FMNL2: variants seen among roughly 807,000 people sequenced by gnomAD.
The protein encoded by FMNL2 is formin-like protein 2.
Under a neutral mutation model 130.2 loss-of-function variants are expected in FMNL2, and 51 were observed. The observed-to-expected ratio is 0.39, with a 90% CI of 0.31 to 0.49. The LOEUF is 0.49. Among genes scored for constraint, FMNL2 ranks in the 20% least tolerant of loss-of-function variants. The probability of loss-of-function intolerance (pLI) is 0.85; values close to 1 mark genes in which losing one functional copy is unlikely to be tolerated. For missense variants in FMNL2, 977 were observed against 1,316.2 expected (o/e 0.74, Z 3.99); for synonymous variants, 465 against 467.1 (o/e 1.00, Z 0.06).
intron 9 of FMNL2, among the ~76,000 whole-genome samples, chr2:152,602,804 G>A (rs546846058): frequency 6.6e-6 from 1 of 152,246 alleles, no homozygotes; most frequent in East Asian, 1.9e-4. Flanking sequence ...TCCCATGCAG[G>A]CCAATGCATG....
intron 1 of FMNL2, among the ~76,000 whole-genome samples, chr2:152,388,828 A>C (rs1384990100): frequency 6.6e-6 from 1 of 152,260 alleles, no homozygotes; most frequent in Non-Finnish European, 1.5e-5. Flanking sequence ...CCAGTGATTA[A>C]AAATTACTGA....
At chr2:152,589,841 C>T (rs1232454763) in intron 9 of FMNL2, among the ~76,000 whole-genome samples, 1 of 150,812 alleles carries the variant, frequency 6.6e-6, no homozygotes, top group Non-Finnish European at 1.5e-5. Flanking sequence ...TGCTCTTCTA[C>T]TCCCTCACTC....
chr2:152,507,345 C>T (rs1360440661), intron 1 of FMNL2, among the ~76,000 whole-genome samples: 1 of 152,244 alleles, frequency 6.6e-6, no homozygotes, highest in Non-Finnish European at 1.5e-5. Flanking sequence ...TGCTCCAGCA[C>T]TTTACCCCTC....
chr2:152,401,992 G>A (rs896311769), intron 1 of FMNL2, among the ~76,000 whole-genome samples: 4 of 127,234 alleles, frequency 3.1e-5, no homozygotes, highest in African/African-American at 6.0e-5. Context: ...TGCAACCTCC[G>A]CCTCCCGGGC....
chr2:152,341,157 C>T (rs917898455), intron 1 of FMNL2, among the ~76,000 whole-genome samples: 1 of 152,132 alleles, frequency 6.6e-6, no homozygotes, highest in South Asian at 2.1e-4. Flanking sequence ...ATTCTTTCTC[C>T]TGTTGTGAGG....
intron 1 of FMNL2, among the ~76,000 whole-genome samples, chr2:152,445,789 G>A (rs1172676043): frequency 6.6e-6 from 1 of 152,168 alleles, no homozygotes; most frequent in African/African-American, 2.4e-5. Flanking sequence ...CTTTGTTCTA[G>A]TATTTAATTA....
At chr2:152,549,561 C>G (rs957576904) in intron 4 of FMNL2, among the ~76,000 whole-genome samples, 1 of 152,326 alleles carries the variant, frequency 6.6e-6, no homozygotes, top group South Asian at 2.1e-4. Flanking sequence ...CCTCATTGCA[C>G]TCAGACACAT....
At chr2:152,522,313 G>A (rs967572423) in intron 2 of FMNL2, among the ~76,000 whole-genome samples, 7 of 152,180 alleles carry the variant, frequency 4.6e-5, no homozygotes, top group Admixed American at 1.3e-4. Flanking sequence ...TTGTTTGATC[G>A]TAAAGTACAT....
At chr2:152,500,703 C>A (rs1426307025) in intron 1 of FMNL2, among the ~76,000 whole-genome samples, 1 of 152,094 alleles carries the variant, frequency 6.6e-6, no homozygotes, top group Admixed American at 6.5e-5. Flanking sequence ...CAAAAATTAG[C>A]TGGGTGTGGT....
chr2:152,369,306 C>G (rs969839973), intron 1 of FMNL2, among the ~76,000 whole-genome samples: 2 of 152,180 alleles, frequency 1.3e-5, no homozygotes, highest in Non-Finnish European at 2.9e-5. Context: ...GTCAGCATTA[C>G]CTTGCTGGGT....
chr2:152,535,098 A>G (rs1693926345), intron 2 of FMNL2, among the ~76,000 whole-genome samples: 1 of 152,206 alleles, frequency 6.6e-6, no homozygotes, highest in African/African-American at 2.4e-5. Flanking sequence ...TCACTATTCA[A>G]GACTCCTTGT....
intron 15 of FMNL2, among the ~76,000 whole-genome samples, chr2:152,623,090 G>C (rs1243456941): frequency 3.3e-5 from 5 of 152,176 alleles, no homozygotes; most frequent in African/African-American, 9.7e-5. Context: ...CCTGTGTTCT[G>C]ATCTCAGGCT....
chr2:152,616,219 A>G (rs1294214435), intron 12 of FMNL2, among the ~76,000 whole-genome samples: 1 of 152,108 alleles, frequency 6.6e-6, no homozygotes, highest in Admixed American at 6.5e-5. Context: ...TTTCTCCTGA[A>G]GCCTCAGCCA....
chr2:152,609,340 A>C (rs1360009708), intron 10 of FMNL2, among the ~76,000 whole-genome samples: 1 of 152,224 alleles, frequency 6.6e-6, no homozygotes, highest in African/African-American at 2.4e-5. Context: ...GAGAAATGGA[A>C]AGATGCCAGA....
chr2:152,399,817 T>C (rs1436677456), intron 1 of FMNL2, among the ~76,000 whole-genome samples: 1 of 152,164 alleles, frequency 6.6e-6, no homozygotes, highest in African/African-American at 2.4e-5. Context: ...TGTTTCTATA[T>C]GTATTAGATA....
intron 17 of FMNL2, among the ~76,000 whole-genome samples, 174 bp downstream of exon 17, chr2:152,626,901 TTGAA>T (rs1373703013): frequency 6.6e-6 from 1 of 152,210 alleles, no homozygotes; most frequent in African/African-American, 2.4e-5. Flanking sequence ...TACTTCAAAG[TTGAA>T]TATGATGCCA....
chr2:152,520,742 A>T (rs1169089274), intron 1 of FMNL2, among the ~76,000 whole-genome samples: 1 of 152,218 alleles, frequency 6.6e-6, no homozygotes, highest in Non-Finnish European at 1.5e-5. Flanking sequence ...GGTTTAATTT[A>T]TCATAATCAG....
intron 20 of FMNL2, among the ~76,000 whole-genome samples, chr2:152,630,680 A>G (rs769800961): frequency 1.3e-5 from 2 of 152,192 alleles, no homozygotes; most frequent in Admixed American, 6.5e-5. Flanking sequence ...CCAGCAGATC[A>G]TGATCAGTTA....
chr2:152,416,200 G>A (rs1055229144), intron 1 of FMNL2, among the ~76,000 whole-genome samples: 1 of 152,162 alleles, frequency 6.6e-6, no homozygotes, highest in African/African-American at 2.4e-5. Context: ...TAACCATAAG[G>A]GAAGAGGCAG....
Sources: gnomAD v4.1 joint callset for allele counts (sites outside exome capture counted in the v4.1 genomes callset) on GRCh38, gnomAD v4.1.1 for gene constraint, MANE v1.5 for transcripts, NCBI Gene and HGNC (gene_info 2026-07-23, HGNC 2026-07-21) for gene names.